SCN7A: variants seen among roughly 807,000 people sequenced by gnomAD.
SCN7A encodes sodium channel protein type 7 subunit alpha.
SCN7A carries 138 observed loss-of-function variants against 155.2 expected under a neutral mutation model. The ratio of observed to expected loss-of-function variants is 0.89; its 90% CI spans 0.77 to 1.02. The LOEUF is 1.02. Ranked by LOEUF, SCN7A falls within the 50% of genes least tolerant of loss-of-function variation. The probability of loss-of-function intolerance (pLI) is 0.00; values close to 1 mark genes in which losing one functional copy is unlikely to be tolerated. For synonymous variants in SCN7A, 693 were observed against 649.0 expected, an observed-to-expected ratio of 1.07 and a Z score of -1.03; for missense variants, 2,058 against 1,986.6, an observed-to-expected ratio of 1.04 and a Z score of -0.68.
rs1559120027 is a variant in SCN7A at position 166,465,855 on chromosome 2, TTA to T, written c.795_796del (p.His265GlnfsTer10). Reference sequence around the variant, plus strand: ...ATTCTCTTGGGGCCATCGAAAACATTTATGTTTCAAGTTGCCCATGAAGAGCC... The same window carrying T: ...ATTCTCTTGGGGCCATCGAAAACATTTGTTTCAAGTTGCCCATGAAGAGCC... On this transcript the variant is annotated frameshift_variant, in exon 8 of 26. Transcript: ENST00000643258. LOFTEE classifies it high-confidence loss of function. 1 of 1,613,852 alleles carries T rather than the reference TTA, an allele frequency of 6.2e-7. No homozygotes were observed. Among genetic ancestry groups the T allele is most frequent in the Non-Finnish European group, 8.5e-7 (1 of 1,179,844 alleles).
rs762066292 is a variant in SCN7A at position 166,444,751 on chromosome 2, G to C, written c.1626+11C>G. On this transcript the variant is annotated intron_variant, in intron 13 of 25. Coordinates refer to ENST00000643258, the MANE Select transcript of SCN7A (RefSeq NM_002976.4). ...ACTGCAAATGAAAATAATGTACAAT[G>C]AGAGTCTTACCAGGTTTCCAATGTT... 1.4e-6 allele frequency: 2 copies of C among 1,401,122 alleles called. No individual in the cohort carries two copies. The highest frequency in any genetic ancestry group is 2.5e-5 in the South Asian group (2 of 80,572). 86.8% of individuals were successfully genotyped at this position (1,401,122 alleles called of 1,614,324 possible). A position where few individuals can be genotyped will look rare whatever the true frequency, so the allele number is the denominator to read the frequency against.
In SCN7A at chr2:166,405,328, G is replaced by A; in HGVS notation, c.*252C>T. The A allele has an allele frequency of 2.4e-6, 1 of 417,732 alleles. No individual in the cohort carries two copies. The highest frequency in any genetic ancestry group is 5.6e-5 in the South Asian group (1 of 17,950). The allele number at this position is 417,732 out of a possible 1,614,324, so 25.9% of individuals were successfully genotyped here. A position where few individuals can be genotyped will look rare whatever the true frequency, so the allele number is the denominator to read the frequency against. On this transcript the variant is annotated 3_prime_UTR_variant, in exon 26 of 26. Transcript: ENST00000643258. ...GCACACATCATATAAGCCATGTAGA[G>A]AAAACAAATATGAGATTGTCAAATG...
At chr2:166,475,122 A>ATATATATATATATATATATATACG (rs1702765527) in intron 3 of SCN7A, among the ~76,000 whole-genome samples, 1 of 93,822 alleles carries the variant, frequency 1.1e-5, no homozygotes, top group African/African-American at 4.1e-5. Flanking sequence ...ATATATATAC[A>ATATATATATATATATATATATACG]TATATATATA....
At position 166,471,207 on chromosome 2, in the gene SCN7A, G is replaced by A. The variant is rs527693603; in HGVS notation, c.573-501C>T. 2.2e-4 allele frequency among the ~76,000 whole-genome samples: 34 copies of A among 151,980 alleles called. 1 individual carries two copies. In the South Asian group the frequency reaches 7.0e-3, roughly 31 times the overall value. On this transcript the variant is annotated intron_variant, in intron 6 of 25. Coordinates refer to ENST00000643258, the MANE Select transcript of SCN7A (RefSeq NM_002976.4). ...TTTAAGGGCACAGACTCTGAAGCCA[G>A]ACTGCTTGTGTAGAAATCCAGGCTC...
At chr2:166,459,803 A>C (rs998750754) in intron 10 of SCN7A, among the ~76,000 whole-genome samples, 1 of 152,362 alleles carries the variant, frequency 6.6e-6, no homozygotes, top group South Asian at 2.1e-4. Context: ...GCCATAAAAA[A>C]GAATGAGTTC....
At chr2:166,468,385 T>C (rs1326735069) in intron 7 of SCN7A, among the ~76,000 whole-genome samples, 1 of 152,096 alleles carries the variant, frequency 6.6e-6, no homozygotes, top group African/African-American at 2.4e-5. Context: ...TTCATAAATG[T>C]AGGTGGACCT....
At chr2:166,442,580 T>A (rs906254175) in intron 14 of SCN7A, among the ~76,000 whole-genome samples, 5 of 151,802 alleles carry the variant, frequency 3.3e-5, no homozygotes, top group African/African-American at 1.2e-4. Flanking sequence ...AGAATTGGAG[T>A]CTCACTATGT....
At chr2:166,452,286 C>A (rs1357396078) in intron 11 of SCN7A, among the ~76,000 whole-genome samples, 1 of 151,800 alleles carries the variant, frequency 6.6e-6, no homozygotes. Context: ...TCCTCTCTTA[C>A]AGTCTCTGAG....
At chr2:166,464,683 GCCT>G (rs1363128796) in intron 9 of SCN7A, among the ~76,000 whole-genome samples, 1 of 152,058 alleles carries the variant, frequency 6.6e-6, no homozygotes, top group Non-Finnish European at 1.5e-5. Context: ...ATGCAGCCTT[GCCT>G]CTTTGCACGC....
In SCN7A at chr2:166,406,582, A is replaced by G. The variant is rs768614401; in HGVS notation, c.4047T>C (p.Leu1349=). 10 of 1,612,538 alleles carry G rather than the reference A, an allele frequency of 6.2e-6. No homozygotes were observed. The East Asian group carries it at 2.2e-4, about 36-fold the overall frequency. ...LVPPSLVQLI[L]LSRIIHMLRL... ...GCAGCATGTGAATGATCCGTGAGAG[A>G]AGTATCAGTTGCACAAGTGAAGGAG... is the stretch of plus-strand genomic sequence containing the variant. Residue 1349 remains leucine (L), a synonymous_variant, in exon 26 of 26, where the codon CTT becomes CTC. Coordinates refer to ENST00000643258, the MANE Select transcript of SCN7A (RefSeq NM_002976.4).
intron 14 of SCN7A, 71 bp downstream of exon 14, chr2:166,443,432 C>T (rs571090940): frequency 4.6e-6 from 6 of 1,307,652 alleles, no homozygotes; most frequent in Non-Finnish European, 6.3e-6. Context: ...ATTACTGTAA[C>T]CCCATTTTAT....
intron 1 of SCN7A, among the ~76,000 whole-genome samples, chr2:166,491,863 A>G (rs1683115569): frequency 6.6e-6 from 1 of 151,992 alleles, no homozygotes. Context: ...CTTTTACCCA[A>G]TGCCTCCACC....
At position 166,457,951 on chromosome 2, in the gene SCN7A, T is replaced by C. The variant is rs75166799; in HGVS notation, c.1084-875A>G. On this transcript the variant is annotated intron_variant, in intron 10 of 25. Coordinates refer to ENST00000643258, the MANE Select transcript of SCN7A (RefSeq NM_002976.4). The stretch of plus-strand genomic sequence containing the variant: ...TGTAACAATCAAGAATATTTACAGA[T>C]TAATAGAGAGTTCAAACATTCAATG... Among the ~76,000 whole-genome samples, 15 of 152,288 alleles carry C rather than the reference T, an allele frequency of 9.8e-5. No individual in the cohort carries two copies. In the East Asian group the frequency reaches 2.9e-3, roughly 29 times the overall value.
At chr2:166,410,712 CAG>C (rs1194657055) in intron 23 of SCN7A, among the ~76,000 whole-genome samples, 3 of 151,896 alleles carry the variant, frequency 2.0e-5, no homozygotes, top group Non-Finnish European at 2.9e-5. Flanking sequence ...CAGAAATAAA[CAG>C]AAATGATCAT....
rs1288143957 is a variant in SCN7A, at chr2:166,483,454, GT to G, written c.-15+3401del. On this transcript the variant is annotated intron_variant, in intron 2 of 25. Transcript: ENST00000643258. ...TTTGTGTACATATTATGTTGTATTT[GT>G]TTTTCTTGTTGTACTGCATTGTTTG... 5.9e-5 allele frequency among the ~76,000 whole-genome samples: 9 copies of G among 151,740 alleles called. No individual in the cohort carries two copies. In the South Asian group the frequency reaches 6.2e-4, roughly 10 times the overall value.
At chr2:166,442,073 A>C (rs1575029996) in intron 14 of SCN7A, among the ~76,000 whole-genome samples, 1 of 152,278 alleles carries the variant, frequency 6.6e-6, no homozygotes, top group South Asian at 2.1e-4. Flanking sequence ...TGCTTTTCAA[A>C]ATATATTGAA....
intron 7 of SCN7A, among the ~76,000 whole-genome samples, chr2:166,467,830 TA>T (rs1008439668): frequency 5.2e-4 from 79 of 151,790 alleles, no homozygotes; most frequent in African/African-American, 1.6e-3. Context: ...TCTGCCTTGA[TA>T]AAAAAAATTT....
chr2:166,417,767 T>C (rs1251377343), intron 20 of SCN7A, among the ~76,000 whole-genome samples: 1 of 151,286 alleles, frequency 6.6e-6, no homozygotes, highest in Admixed American at 6.6e-5. Flanking sequence ...GACCAATAGT[T>C]TGTACTGTCA....
At chr2:166,450,248 T>C (rs1702148285) in intron 11 of SCN7A, among the ~76,000 whole-genome samples, 1 of 152,148 alleles carries the variant, frequency 6.6e-6, no homozygotes, top group Admixed American at 6.5e-5. Context: ...CACTTTTAAG[T>C]GACAGCTAAA....
Sources: allele counts gnomAD v4.1 joint callset (sites outside exome capture counted in the v4.1 genomes callset), GRCh38; gene constraint gnomAD v4.1.1; transcripts MANE v1.5; gene names NCBI Gene and HGNC (gene_info 2026-07-23, HGNC 2026-07-21).